The following KANSL1 variants were observed in gnomAD, a reference collection of about 807,000 sequenced individuals.
KANSL1 encodes MLL1/MLL complex subunit KANSL1.
A neutral mutation model predicts 103.6 loss-of-function variants in KANSL1; 22 were observed. The observed-to-expected ratio is 0.21, with a 90% CI of 0.15 to 0.30. The LOEUF is 0.30. Ranked by LOEUF, KANSL1 falls within the 10% of genes least tolerant of loss-of-function variation. The pLI, the probability that KANSL1 is intolerant of heterozygous loss-of-function variation, is 1.00. For synonymous variants in KANSL1, 600 were observed against 527.6 expected (o/e 1.14, Z -1.88); for missense variants, 1,337 against 1,399.8 (o/e 0.96, Z 0.72).
At chr17:46,164,476 G>C (rs1422381465) in intron 2 of KANSL1, among the ~76,000 whole-genome samples, 2 of 152,260 alleles carry the variant, frequency 1.3e-5, no homozygotes, top group South Asian at 4.1e-4. Flanking sequence ...TTCAACAAAT[G>C]AAAGTTTACT....
chr17:46,150,976 A>G (rs2045063912), intron 2 of KANSL1, among the ~76,000 whole-genome samples: 1 of 151,832 alleles, frequency 6.6e-6, no homozygotes, highest in African/African-American at 2.4e-5. Flanking sequence ...CATTATGAAT[A>G]TAAAGAATAA....
intron 2 of KANSL1, among the ~76,000 whole-genome samples, chr17:46,128,815 G>A (rs189478648): frequency 7.9e-5 from 12 of 152,338 alleles, no homozygotes; most frequent in Non-Finnish European, 1.5e-5. Flanking sequence ...TGCAGCTCAC[G>A]ATATGGAGTT....
chr17:46,101,939 G>A (rs1292344091), intron 2 of KANSL1, among the ~76,000 whole-genome samples: 3 of 152,118 alleles, frequency 2.0e-5, no homozygotes, highest in Non-Finnish European at 2.9e-5. Flanking sequence ...AGAGTTTCTT[G>A]AGCTTTGAAC....
At chr17:46,066,793 C>G (rs2078395386) in intron 5 of KANSL1, 61 bp from the exon 6 acceptor site, 5 of 1,218,032 alleles carry the variant, frequency 4.1e-6, no homozygotes, top group Non-Finnish European at 5.8e-6. Context: ...AAATAAACAA[C>G]AAGAAAACAC....
Position 46,171,770 on chromosome 17 carries a change from A to G in KANSL1, c.374T>C (p.Leu125Ser). 1 of 1,605,824 alleles carries G rather than the reference A, an allele frequency of 6.2e-7. No individual in the cohort carries two copies. The highest frequency in any genetic ancestry group is 8.5e-7 in the Non-Finnish European group (1 of 1,176,312). ...SQSYELRAELLGRQPVLEFSL... is the reference protein window; with the variant it reads ...SQSYELRAELSGRQPVLEFSL... ...AAACTCCAAAACTGGCTGTCTCCCC[A>G]ACAGCTCAGCTCGGAGTTCATAGGA... The change falls in exon 2 of 15, where the codon TTG becomes TCG. Residue 125 changes from leucine (L) to serine (S), a missense_variant. Coordinates refer to ENST00000432791, the MANE Select transcript of KANSL1 (RefSeq NM_015443.4).
At chr17:46,158,751 G>C (rs961600020) in intron 2 of KANSL1, among the ~76,000 whole-genome samples, 4 of 152,114 alleles carry the variant, frequency 2.6e-5, no homozygotes, top group Non-Finnish European at 5.9e-5. Context: ...ATGTTGGCAA[G>C]GCTGGTCTCA....
chr17:46,166,126 T>C (rs996939684), intron 2 of KANSL1, among the ~76,000 whole-genome samples: 6 of 151,490 alleles, frequency 4.0e-5, no homozygotes, highest in African/African-American at 9.7e-5. Flanking sequence ...GGCAGAAGAA[T>C]TGCTTGAGCC....
intron 1 of KANSL1, among the ~76,000 whole-genome samples, chr17:46,188,042 A>G (rs2047112504): frequency 6.6e-6 from 1 of 152,196 alleles, no homozygotes; most frequent in African/African-American, 2.4e-5. Context: ...ATTTTCTCCT[A>G]TGTATTTTGT....
chr17:46,123,576 T>C (rs1049251536), intron 2 of KANSL1, among the ~76,000 whole-genome samples: 1 of 152,232 alleles, frequency 6.6e-6, no homozygotes, highest in Non-Finnish European at 1.5e-5. Flanking sequence ...AGCAGCTTTA[T>C]TGCTGATATG....
intron 1 of KANSL1, among the ~76,000 whole-genome samples, chr17:46,213,875 G>A (rs1427353940): frequency 2.6e-5 from 4 of 151,870 alleles, no homozygotes; most frequent in Middle Eastern, 3.4e-3. Flanking sequence ...CCGAGACTGC[G>A]CCACTGCACT....
intron 2 of KANSL1, among the ~76,000 whole-genome samples, chr17:46,166,916 T>A (rs576674358): frequency 6.6e-6 from 1 of 152,026 alleles, no homozygotes; most frequent in Non-Finnish European, 1.5e-5. Flanking sequence ...ACAGAGAATA[T>A]CCTCAACAAT....
intron 4 of KANSL1, among the ~76,000 whole-genome samples, chr17:46,071,508 T>A (rs1314539346): frequency 6.6e-6 from 1 of 152,226 alleles, no homozygotes; most frequent in Non-Finnish European, 1.5e-5. Flanking sequence ...ACCTAGCTCC[T>A]TAAATGCAGG....
intron 1 of KANSL1, 89 bp from the exon 2 acceptor site, chr17:46,172,321 G>A (rs2046328489): frequency 1.5e-6 from 1 of 674,786 alleles, no homozygotes; most frequent in Non-Finnish European, 2.4e-6. Flanking sequence ...TGAGGCTGTT[G>A]TCTAAACTGC....
At chr17:46,200,107 T>C (rs189023753) in intron 1 of KANSL1, among the ~76,000 whole-genome samples, 138 of 143,770 alleles carry the variant, frequency 9.6e-4, no homozygotes, top group Admixed American at 6.9e-3. Context: ...CTAATGTTTT[T>C]AACTTTAGAA....
intron 1 of KANSL1, among the ~76,000 whole-genome samples, chr17:46,183,588 A>G (rs947852872): frequency 3.6e-5 from 5 of 137,972 alleles, no homozygotes; most frequent in African/African-American, 5.1e-5. Flanking sequence ...AGGAGAGAGG[A>G]GACAGGGGAG....
At chr17:46,131,797 C>A (rs545266342) in intron 2 of KANSL1, among the ~76,000 whole-genome samples, 2 of 152,138 alleles carry the variant, frequency 1.3e-5, no homozygotes, top group Non-Finnish European at 2.9e-5. Flanking sequence ...GATAGCAACA[C>A]CACCACCACC....
At chr17:46,149,579 T>C (rs2044959572) in intron 2 of KANSL1, among the ~76,000 whole-genome samples, 1 of 152,268 alleles carries the variant, frequency 6.6e-6, no homozygotes, top group Non-Finnish European at 1.5e-5. Flanking sequence ...TGTGTTCCAA[T>C]AAAACTTTAC....
intron 2 of KANSL1, among the ~76,000 whole-genome samples, chr17:46,132,064 T>C (rs1239281564): frequency 3.3e-5 from 5 of 152,030 alleles, no homozygotes; most frequent in East Asian, 1.9e-4. Context: ...AAGGCAGAGG[T>C]TGCAGTGAGT....
At chr17:46,069,547 C>T (rs1396227073) in intron 4 of KANSL1, among the ~76,000 whole-genome samples, 2 of 151,918 alleles carry the variant, frequency 1.3e-5, no homozygotes, top group Non-Finnish European at 2.9e-5. Context: ...GAGTTCGAGA[C>T]CAACCTAGCC....
Sources: allele counts gnomAD v4.1 joint callset (sites outside exome capture counted in the v4.1 genomes callset), GRCh38; gene constraint gnomAD v4.1.1; transcripts MANE v1.5; gene names NCBI Gene and HGNC (gene_info 2026-07-23, HGNC 2026-07-21).